DCC: variants seen among roughly 807,000 people sequenced by gnomAD.
The protein encoded by DCC is netrin receptor DCC.
A neutral mutation model predicts 172.5 loss-of-function variants in DCC; 58 were observed. The observed-to-expected ratio is 0.34, with a 90% CI of 0.27 to 0.42. DCC has a LOEUF of 0.42. DCC is among the 10% of genes least tolerant of loss of function. The pLI is 1.00. For synonymous variants in DCC, 709 were observed against 644.5 expected, an observed-to-expected ratio of 1.10 and a Z score of -1.52; for missense variants, 1,740 against 1,791.0, an observed-to-expected ratio of 0.97 and a Z score of 0.51.
At chr18:52,971,863 C>T (rs1324926629) in intron 5 of DCC, among the ~76,000 whole-genome samples, 3 of 152,076 alleles carry the variant, frequency 2.0e-5, no homozygotes, top group African/African-American at 7.2e-5. Flanking sequence ...ATCCCTGGAT[C>T]TCTTTCCTGC....
chr18:52,668,438 A>G (rs1264316756), intron 1 of DCC, among the ~76,000 whole-genome samples: 1 of 152,232 alleles, frequency 6.6e-6, no homozygotes, highest in African/African-American at 2.4e-5. Context: ...CAGAAAAGAG[A>G]AAAATCGGCA....
At chr18:53,471,170 T>G (rs960366642) in intron 25 of DCC, among the ~76,000 whole-genome samples, 1 of 152,128 alleles carries the variant, frequency 6.6e-6, no homozygotes, top group African/African-American at 2.4e-5. Context: ...CTATTCGTAT[T>G]TTTTGTGGGT....
chr18:53,515,833 A>C (rs991011844), intron 27 of DCC, among the ~76,000 whole-genome samples: 8 of 152,162 alleles, frequency 5.3e-5, no homozygotes, highest in Admixed American at 2.6e-4. Flanking sequence ...TTCCATGCTC[A>C]TGGGTAGGAA....
chr18:52,785,260 C>T (rs188234581), intron 2 of DCC, among the ~76,000 whole-genome samples: 140 of 152,140 alleles, frequency 9.2e-4, no homozygotes, highest in Middle Eastern at 6.8e-3. Flanking sequence ...CATGTGTAGT[C>T]CCTAGTTACT....
chr18:52,950,982 A>G (rs2040637742), intron 5 of DCC, among the ~76,000 whole-genome samples: 1 of 138,988 alleles, frequency 7.2e-6, no homozygotes, highest in South Asian at 2.5e-4. Flanking sequence ...GTCTGAATAT[A>G]TCTCTTTAGC....
intron 2 of DCC, among the ~76,000 whole-genome samples, chr18:52,858,618 TGAAACCAAGAGAGTTTA>T (rs2039088951): frequency 6.6e-6 from 1 of 152,226 alleles, no homozygotes; most frequent in African/African-American, 2.4e-5. Flanking sequence ...TTCTGAGGCT[TGAAACCAAGAGAGTTTA>T]GAAGCCAACC....
intron 12 of DCC, among the ~76,000 whole-genome samples, chr18:53,267,087 TACACACACACACACTCTCTCTCTC>T (rs946603465): frequency 1.3e-5 from 2 of 149,354 alleles, no homozygotes; most frequent in African/African-American, 2.5e-5. Flanking sequence ...AACCTTTATA[TACACACACACACACTCTCTCTCTC>T]ACACACACAC....
intron 12 of DCC, among the ~76,000 whole-genome samples, chr18:53,266,961 T>C (rs896133154): frequency 1.6e-4 from 24 of 152,088 alleles, no homozygotes; most frequent in Non-Finnish European, 1.6e-4. Context: ...ATTTTTACTA[T>C]TATGAAGAAT....
intron 1 of DCC, among the ~76,000 whole-genome samples, chr18:52,521,500 C>T (rs2031814926): frequency 6.6e-6 from 1 of 152,102 alleles, no homozygotes. Flanking sequence ...AGATGGCCAC[C>T]TTCTTACTGT....
chr18:53,309,269 C>T (rs371499462), intron 13 of DCC, among the ~76,000 whole-genome samples: 1 of 152,054 alleles, frequency 6.6e-6, no homozygotes, highest in East Asian at 1.9e-4. Context: ...AAACTCTTGG[C>T]CTCAAGTCAT....
chr18:53,189,999 T>G (rs2055341229), intron 9 of DCC, among the ~76,000 whole-genome samples: 1 of 152,222 alleles, frequency 6.6e-6, no homozygotes, highest in South Asian at 2.1e-4. Context: ...CGATCCTGGC[T>G]TACTGTAACC....
chr18:52,929,496 C>A (rs1463111573), intron 5 of DCC, among the ~76,000 whole-genome samples: 2 of 152,026 alleles, frequency 1.3e-5, no homozygotes, highest in Non-Finnish European at 2.9e-5. Flanking sequence ...CTTGACAAAG[C>A]AGAAAGGCTG....
chr18:52,737,873 A>G (rs928549097), intron 1 of DCC, among the ~76,000 whole-genome samples: 1 of 152,182 alleles, frequency 6.6e-6, no homozygotes, highest in Non-Finnish European at 1.5e-5. Context: ...TGGAGTGTTG[A>G]GGAGAGCTTA....
chr18:52,683,436 G>A (rs1437742092), intron 1 of DCC, among the ~76,000 whole-genome samples: 2 of 152,068 alleles, frequency 1.3e-5, no homozygotes, highest in East Asian at 1.9e-4. Flanking sequence ...GGGACAATAC[G>A]AAGGAACCCA....
rs1312734112 is a variant in DCC at position 53,063,326 on chromosome 18, A to G, written c.1007A>G (p.His336Arg). 1.9e-6 allele frequency: 3 copies of G among 1,613,404 alleles called. No homozygotes were observed. Among genetic ancestry groups the G allele is most frequent in the Admixed American group, 1.7e-5 (1 of 59,968 alleles). ...TVLVPPWFLNHPSNLYAYESM... is the reference protein window; with the variant it reads ...TVLVPPWFLNRPSNLYAYESM... The stretch of plus-strand genomic sequence containing the variant: ...GCAGTTCCGCCATGGTTTTTAAATC[A>G]TCCTTCCAACCTGTATGCCTATGAA... The change falls in exon 6 of 29, where the codon CAT becomes CGT. Residue 336 changes from histidine to arginine, a missense_variant. Physicochemically the swap from His to Arg is conservative, Grantham distance 29 (BLOSUM62 0). This residue lies in a region of DCC where 1,732 missense variants were observed against 1,767.4 expected (regional missense o/e 0.98). Coordinates refer to ENST00000442544, the MANE Select transcript of DCC (RefSeq NM_005215.4).
chr18:53,063,485 T>A, intron 6 of DCC, 26 bp downstream of exon 6: 3 of 1,532,638 alleles, frequency 2.0e-6, no homozygotes, highest in Non-Finnish European at 2.7e-6. Flanking sequence ...CATATTTGTT[T>A]TATAATCCCA....
intron 1 of DCC, among the ~76,000 whole-genome samples, chr18:52,354,101 A>C (rs967217089): frequency 6.6e-6 from 1 of 152,224 alleles, no homozygotes; most frequent in African/African-American, 2.4e-5. Flanking sequence ...AGAAAGCATC[A>C]TTGTTCTGGA....
At position 52,340,373 on chromosome 18, in the gene DCC, CTTTTAAT is replaced by C. The variant is rs1397323135; in HGVS notation, c.-414_-408del. 1.2e-5 allele frequency: 3 copies of C among 241,736 alleles called. No individual in the cohort carries two copies. The Admixed American group carries it at 1.4e-4, about 12-fold the overall frequency. The allele number at this position is 241,736 out of a possible 1,614,324, so 15.0% of individuals were successfully genotyped here. A position where few individuals can be genotyped will look rare whatever the true frequency, so the allele number is the denominator to read the frequency against. On this transcript the variant is annotated 5_prime_UTR_variant, in exon 1 of 29. The change abolishes an upstream ATG in the 5' untranslated region. Coordinates refer to ENST00000442544, the MANE Select transcript of DCC (RefSeq NM_005215.4). ...CCGACGACAAGGAACCAGCCTCAAC[CTTTTAAT>C]GCACAGCCCGGCCACAGGATTGCCT... is the stretch of plus-strand genomic sequence containing the variant.
At chr18:52,819,974 C>A (rs986027899) in intron 2 of DCC, among the ~76,000 whole-genome samples, 3 of 152,114 alleles carry the variant, frequency 2.0e-5, no homozygotes, top group African/African-American at 7.2e-5. Flanking sequence ...CCTGCCTCGG[C>A]CTCCCAAAGT....
Sources: gnomAD v4.1 joint callset for allele counts (sites outside exome capture counted in the v4.1 genomes callset) on GRCh38, gnomAD v4.1.1 for gene constraint, gnomAD v4.1.1 regional missense constraint, MANE v1.5 for transcripts, NCBI Gene and HGNC (gene_info 2026-07-23, HGNC 2026-07-21) for gene names.